The following RIT2 variants were observed in gnomAD, a reference collection of about 807,000 sequenced individuals.
RIT2 encodes Ras like without CAAX 2, also known as GTP-binding protein Rit2.
In RIT2, 24 loss-of-function variants were observed where a neutral mutation model predicts 23.7. That is an observed-to-expected ratio of 1.01 (90% CI 0.73 to 1.43). The LOEUF is 1.43. Among genes scored for constraint, RIT2 ranks in the 40% most tolerant of loss-of-function variants. RIT2 has a pLI of 0.00. For synonymous variants in RIT2, 107 were observed against 91.1 expected (o/e 1.17, Z -0.99); for missense variants, 236 against 266.9 (o/e 0.88, Z 0.81).
intron 2 of RIT2, among the ~76,000 whole-genome samples, chr18:42,992,596 C>T (rs901613177): frequency 6.6e-6 from 1 of 152,144 alleles, no homozygotes; most frequent in Non-Finnish European, 1.5e-5. Context: ...ATCCTCCACC[C>T]TATAATCCTT....
At chr18:42,838,276 A>G (rs972251798) in intron 4 of RIT2, among the ~76,000 whole-genome samples, 1 of 152,182 alleles carries the variant, frequency 6.6e-6, no homozygotes, top group African/African-American at 2.4e-5. Context: ...TAAGGTTTCA[A>G]GAAATAGCCC....
At chr18:42,884,425 G>A (rs191318005) in intron 4 of RIT2, among the ~76,000 whole-genome samples, 5 of 152,206 alleles carry the variant, frequency 3.3e-5, no homozygotes, top group Admixed American at 6.5e-5. Context: ...TAAAATAAGC[G>A]AAATAATCTT....
chr18:43,090,681 C>T (rs1320825507), intron 1 of RIT2, among the ~76,000 whole-genome samples: 2 of 152,002 alleles, frequency 1.3e-5, no homozygotes, highest in African/African-American at 4.8e-5. Flanking sequence ...GAATACTATG[C>T]AGCCAAAAAA....
intron 1 of RIT2, among the ~76,000 whole-genome samples, chr18:43,076,745 A>G (rs901158957): frequency 1.3e-5 from 2 of 152,190 alleles, no homozygotes; most frequent in Admixed American, 6.5e-5. Context: ...TGATCTAGAC[A>G]TAAGTTAAAT....
chr18:43,025,230 A>AC (rs200211012), intron 2 of RIT2, among the ~76,000 whole-genome samples: 7,612 of 145,544 alleles, frequency 0.052, 638 homozygotes, highest in African/African-American at 0.18. Context: ...ACAAAACAAA[A>AC]AAAAAACAAA....
At chr18:42,984,247 T>C (rs1379196084) in intron 2 of RIT2, among the ~76,000 whole-genome samples, 2 of 152,108 alleles carry the variant, frequency 1.3e-5, no homozygotes, top group East Asian at 1.9e-4. Context: ...TGGAGTATAA[T>C]TGATACAGGC....
At chr18:42,749,870 G>A (rs1476984383) in intron 4 of RIT2, among the ~76,000 whole-genome samples, 1 of 151,826 alleles carries the variant, frequency 6.6e-6, no homozygotes, top group Non-Finnish European at 1.5e-5. Context: ...TGATGAATAT[G>A]TGTAGATGTA....
At chr18:43,045,919 C>G (rs1030042760) in intron 1 of RIT2, among the ~76,000 whole-genome samples, 17 of 152,156 alleles carry the variant, frequency 1.1e-4, no homozygotes, top group African/African-American at 4.1e-4. Flanking sequence ...TAGACCATAT[C>G]TATTTAAATT....
At chr18:42,877,984 A>C (rs75248002) in intron 4 of RIT2, among the ~76,000 whole-genome samples, 1 of 151,976 alleles carries the variant, frequency 6.6e-6, no homozygotes, top group East Asian at 1.9e-4. Flanking sequence ...ATACCATATT[A>C]TGTATGTGCA....
intron 3 of RIT2, among the ~76,000 whole-genome samples, chr18:42,967,273 A>G (rs1006534144): frequency 1.3e-5 from 2 of 152,122 alleles, no homozygotes; most frequent in African/African-American, 4.8e-5. Context: ...AATCTTTTGT[A>G]AATCTTTCAC....
At chr18:42,930,932 A>G (rs1909309798) in intron 3 of RIT2, among the ~76,000 whole-genome samples, 1 of 152,060 alleles carries the variant, frequency 6.6e-6, no homozygotes, top group Non-Finnish European at 1.5e-5. Flanking sequence ...TATTTTATCT[A>G]TTTTAAAGGA....
intron 4 of RIT2, among the ~76,000 whole-genome samples, chr18:42,818,020 T>G (rs1379232156): frequency 6.6e-6 from 1 of 152,028 alleles, no homozygotes. Context: ...GTAGGTATTA[T>G]TAGAGTAATA....
intron 2 of RIT2, among the ~76,000 whole-genome samples, chr18:42,992,355 G>T (rs1910872167): frequency 6.6e-6 from 1 of 152,036 alleles, no homozygotes; most frequent in Non-Finnish European, 1.5e-5. Flanking sequence ...CGTAAAATGG[G>T]CAAATGGTCT....
Position 42,933,962 on chromosome 18 carries a change from G to A in RIT2, c.235-10199C>T, listed in dbSNP as rs144014144. Reference sequence around the variant, plus strand: ...GAACCCAGGAGTCGAAGGTTGCAGTGAGCCGAGATCACACCACTGCACTCC... The same window carrying A: ...GAACCCAGGAGTCGAAGGTTGCAGTAAGCCGAGATCACACCACTGCACTCC... On this transcript the variant is annotated intron_variant, in intron 3 of 4. Coordinates refer to ENST00000326695, the MANE Select transcript of RIT2 (RefSeq NM_002930.4). Among the ~76,000 whole-genome samples, 820 of 143,914 alleles carry A rather than the reference G, an allele frequency of 5.7e-3. 9 individuals are homozygous for A. Among genetic ancestry groups the A allele is most frequent in the African/African-American group, 0.02 (773 of 38,614 alleles). 94.4% of individuals were successfully genotyped at this position (143,914 alleles called of 152,430 possible).
intron 4 of RIT2, among the ~76,000 whole-genome samples, chr18:42,886,027 C>G (rs1191717639): frequency 1.3e-5 from 2 of 152,128 alleles, no homozygotes; most frequent in African/African-American, 4.8e-5. Flanking sequence ...TGTATTAATT[C>G]AGCAACCTTT....
rs1169032099 is a variant in RIT2 at position 42,760,338 on chromosome 18, G to A, written c.427-16618C>T. On this transcript the variant is annotated intron_variant, in intron 4 of 4. Transcript: ENST00000326695. ...CTGGACACACAGCATGCTGGAGTAA[G>A]GAAGGTAATCTTGACAAGTTTGTTA... is the stretch of plus-strand genomic sequence containing the variant. Among the ~76,000 whole-genome samples the A allele has an allele frequency of 2.0e-5, 3 of 152,204 alleles. No individual in the cohort carries two copies. In the East Asian group the frequency reaches 5.8e-4, roughly 29 times the overall value.
chr18:42,930,814 T>C (rs1049341646), intron 3 of RIT2, among the ~76,000 whole-genome samples: 1 of 152,110 alleles, frequency 6.6e-6, no homozygotes, highest in African/African-American at 2.4e-5. Context: ...TTTGACTGAA[T>C]ATGTGAGTTG....
chr18:42,915,934 G>A (rs1908897773), intron 4 of RIT2, among the ~76,000 whole-genome samples: 1 of 151,662 alleles, frequency 6.6e-6, no homozygotes, highest in Non-Finnish European at 1.5e-5. Context: ...TACACCATAT[G>A]TGTATATATA....
intron 1 of RIT2, among the ~76,000 whole-genome samples, chr18:43,104,380 G>A (rs992382713): frequency 6.6e-6 from 1 of 152,132 alleles, no homozygotes; most frequent in African/African-American, 2.4e-5. Flanking sequence ...AATGAATGTG[G>A]TTGGCTATAA....
Sources: allele counts gnomAD v4.1 joint callset (sites outside exome capture counted in the v4.1 genomes callset), GRCh38; gene constraint gnomAD v4.1.1; transcripts MANE v1.5; gene names NCBI Gene and HGNC (gene_info 2026-07-23, HGNC 2026-07-21).